The following ULK4 variants were observed in gnomAD, a reference collection of about 807,000 sequenced individuals.
ULK4 encodes the protein unc-51 like kinase 4, also known as inactive serine/threonine-protein kinase ULK4.
Under a neutral mutation model 160.6 loss-of-function variants are expected in ULK4, and 133 were observed. The ratio of observed to expected loss-of-function variants is 0.83; its 90% confidence interval spans 0.72 to 0.96. The LOEUF is 0.96. Among genes scored for constraint, ULK4 ranks in the 40% least tolerant of loss-of-function variants. The pLI is 0.00. For synonymous variants in ULK4, 534 were observed against 539.8 expected, an observed-to-expected ratio of 0.99 and a Z score of 0.15; for missense variants, 1,580 against 1,499.5, an observed-to-expected ratio of 1.05 and a Z score of -0.89.
intron 29 of ULK4, among the ~76,000 whole-genome samples, chr3:41,667,532 A>T (rs1256509996): frequency 6.6e-6 from 1 of 152,196 alleles, no homozygotes; most frequent in African/African-American, 2.4e-5. Context: ...TTAGCAGAAA[A>T]AAATATATAG....
intron 17 of ULK4, chr3:41,859,465 C>T (rs561043961): frequency 3.6e-6 from 2 of 551,170 alleles, no homozygotes; most frequent in African/African-American, 1.9e-5. Flanking sequence ...GAAACCTGGA[C>T]AGGTCACCAA....
chr3:41,589,726 A>G (rs2031136082), intron 31 of ULK4, among the ~76,000 whole-genome samples: 2 of 152,166 alleles, frequency 1.3e-5, no homozygotes, highest in South Asian at 4.1e-4. Context: ...CCTACCAGAA[A>G]AAAATCCAAC....
chr3:41,542,449 T>C (rs2086728405), intron 32 of ULK4, among the ~76,000 whole-genome samples: 1 of 152,242 alleles, frequency 6.6e-6, no homozygotes, highest in Admixed American at 6.5e-5. Context: ...TGAGGATTTT[T>C]GCATCGATGT....
intron 19 of ULK4, among the ~76,000 whole-genome samples, chr3:41,816,165 T>A (rs1454576749): frequency 6.6e-6 from 1 of 151,990 alleles, no homozygotes; most frequent in Non-Finnish European, 1.5e-5. Flanking sequence ...ACATTAAAAT[T>A]AAGAACTCCT....
chr3:41,750,162 C>T (rs892876004), intron 22 of ULK4, among the ~76,000 whole-genome samples: 1 of 152,170 alleles, frequency 6.6e-6, no homozygotes, highest in African/African-American at 2.4e-5. Context: ...ACTCCTGACC[C>T]ATGGAAACTG....
At chr3:41,797,508 G>A (rs1204101419) in intron 20 of ULK4, among the ~76,000 whole-genome samples, 3 of 152,216 alleles carry the variant, frequency 2.0e-5, no homozygotes, top group Admixed American at 6.5e-5. Flanking sequence ...TGTAAATGAC[G>A]TGAAAAATAC....
intron 34 of ULK4, among the ~76,000 whole-genome samples, chr3:41,431,497 T>C (rs1387411732): frequency 1.3e-5 from 2 of 148,298 alleles, no homozygotes; most frequent in Non-Finnish European, 3.0e-5. Context: ...TCTTCATGCA[T>C]TAATCTTTTA....
intron 31 of ULK4, among the ~76,000 whole-genome samples, chr3:41,576,536 T>C (rs886791282): frequency 4.6e-5 from 7 of 151,144 alleles, no homozygotes; most frequent in African/African-American, 9.9e-5. Flanking sequence ...GCAGAAGGCA[T>C]AGACGGTGTG....
intron 16 of ULK4, among the ~76,000 whole-genome samples, chr3:41,893,659 T>G (rs1698048596): frequency 6.6e-6 from 1 of 152,114 alleles, no homozygotes; most frequent in African/African-American, 2.4e-5. Context: ...CCAAAAATAG[T>G]AAATAAAATG....
intron 35 of ULK4, among the ~76,000 whole-genome samples, chr3:41,380,001 G>T (rs1480603816): frequency 6.6e-6 from 1 of 152,150 alleles, no homozygotes; most frequent in Non-Finnish European, 1.5e-5. Flanking sequence ...TGGGTAGTTG[G>T]CTGTCATGTG....
chr3:41,553,040 G>A (rs888968946), intron 32 of ULK4, among the ~76,000 whole-genome samples: 2 of 151,990 alleles, frequency 1.3e-5, no homozygotes, highest in African/African-American at 2.4e-5. Flanking sequence ...TGGGAAAATT[G>A]GATAGTTATA....
At chr3:41,420,668 A>G (rs2082643686) in intron 34 of ULK4, among the ~76,000 whole-genome samples, 1 of 151,156 alleles carries the variant, frequency 6.6e-6, no homozygotes, top group Non-Finnish European at 1.5e-5. Flanking sequence ...TATTTTTAGT[A>G]GAGATTCTGC....
At chr3:41,859,820 G>A (rs1445275678) in intron 17 of ULK4, among the ~76,000 whole-genome samples, 2 of 144,268 alleles carry the variant, frequency 1.4e-5, no homozygotes, top group Non-Finnish European at 3.0e-5. Context: ...ACCATGCCTG[G>A]CTAATTTTTT....
intron 30 of ULK4, among the ~76,000 whole-genome samples, chr3:41,654,124 G>C (rs1002676753): frequency 6.6e-6 from 1 of 152,180 alleles, no homozygotes; most frequent in Non-Finnish European, 1.5e-5. Context: ...GAGTCCAACA[G>C]ACACAAACTC....
chr3:41,589,725 A>C (rs183842939), intron 31 of ULK4, among the ~76,000 whole-genome samples: 193 of 152,316 alleles, frequency 1.3e-3, no homozygotes, highest in African/African-American at 4.2e-3. Context: ...GCCTACCAGA[A>C]AAAAATCCAA....
chr3:41,836,437 C>T (rs2041759613), intron 17 of ULK4, among the ~76,000 whole-genome samples: 1 of 152,136 alleles, frequency 6.6e-6, no homozygotes, highest in African/African-American at 2.4e-5. Flanking sequence ...TCCCAAAGTG[C>T]TGGGATTACA....
At chr3:41,505,162 C>A (rs1370905690) in intron 32 of ULK4, among the ~76,000 whole-genome samples, 1 of 152,120 alleles carries the variant, frequency 6.6e-6, no homozygotes, top group Non-Finnish European at 1.5e-5. Context: ...ATAGTAGATA[C>A]AGAAAAAGCG....
chr3:41,831,717 A>T (rs1432442516), intron 18 of ULK4, among the ~76,000 whole-genome samples: 1 of 151,494 alleles, frequency 6.6e-6, no homozygotes, highest in Non-Finnish European at 1.5e-5. Flanking sequence ...ATCCCCTGAC[A>T]GGCCCCCATG....
At chr3:41,480,764 A>C (rs1450566798) in intron 32 of ULK4, among the ~76,000 whole-genome samples, 1 of 152,198 alleles carries the variant, frequency 6.6e-6, no homozygotes, top group East Asian at 1.9e-4. Context: ...AGGGCTGGGG[A>C]GGCCTCAGGA....
Sources: allele counts gnomAD v4.1 joint callset (sites outside exome capture counted in the v4.1 genomes callset), GRCh38; gene constraint gnomAD v4.1.1; transcripts MANE v1.5; gene names NCBI Gene and HGNC (gene_info 2026-07-23, HGNC 2026-07-21).